EVC2: variants seen among roughly 807,000 people sequenced by gnomAD.
EVC2 encodes limbin.
A neutral mutation model predicts 149.3 loss-of-function variants in EVC2; 148 were observed. That is an observed-to-expected ratio of 0.99 (90% CI 0.87 to 1.14). EVC2 has a LOEUF of 1.14. Ranked by LOEUF, EVC2 falls within the 50% of genes most tolerant of loss-of-function variation. The pLI is 0.00. For synonymous variants in EVC2, 776 were observed against 649.9 expected (o/e 1.19, Z -2.95); for missense variants, 1,854 against 1,627.3 (o/e 1.14, Z -2.40).
rs73198116 is a variant in EVC2, at chr4:5,611,450, A to C, written c.2829+3972T>G. 3.8e-3 allele frequency among the ~76,000 whole-genome samples: 578 copies of C among 152,302 alleles called. 3 individuals carry two copies. Among genetic ancestry groups the C allele is most frequent in the Middle Eastern group, 6.8e-3 (2 of 294 alleles). On this transcript the variant is annotated intron_variant, in intron 16 of 21. Transcript: ENST00000344408. The stretch of plus-strand genomic sequence containing the variant: ...TGTACTAAGCCTATTTAATTATACA[A>C]AGAGCCCTCTTTTATACACTATGAT...
Position 5,584,763 on chromosome 4 carries a change from G to A in EVC2, c.2917C>T (p.Gln973Ter). The change falls in exon 17 of 22, where the codon CAG becomes TAG. Residue 973 changes from glutamine to a stop codon, truncating the protein, a stop_gained. Transcript: ENST00000344408. LOFTEE classifies it high-confidence loss of function. Reference protein sequence around the residue: ...FAQSLVALQFQKASRVTETLS... With the variant: ...FAQSLVALQF ...GTCTCGGTCACCCGGGACGCCTTCT[G>A]GAACTGCAGAGCAACAAGCGACTGT... is the stretch of plus-strand genomic sequence containing the variant. 1 of 1,614,164 alleles carries A rather than the reference G, an allele frequency of 6.2e-7. No homozygotes were observed. Among genetic ancestry groups the A allele is most frequent in the East Asian group, 2.2e-5 (1 of 44,862 alleles).
Position 5,576,597 on chromosome 4 carries a change from G to A in EVC2, c.3058-143C>T, listed in dbSNP as rs1227044704. On this transcript the variant is annotated intron_variant, in intron 17 of 21. Coordinates refer to ENST00000344408, the MANE Select transcript of EVC2 (RefSeq NM_147127.5). The surrounding 1 kb of genome is among the most constrained non-coding windows in gnomAD (Gnocchi z 4.5). ...TCCCCATCCAGCTGTGCCACATGGT[G>A]CAATGTGAGTGCACCACGATCTCTC... is the stretch of plus-strand genomic sequence containing the variant. 1.4e-6 allele frequency: 2 copies of A among 1,449,406 alleles called. No individual in the cohort carries two copies. Among genetic ancestry groups the A allele is most frequent in the Admixed American group, 2.0e-5 (1 of 50,636 alleles). The allele number at this position is 1,449,406 out of a possible 1,614,324, so 89.8% of individuals were successfully genotyped here.
rs1227562994 is a variant in EVC2, at chr4:5,640,782, T to G, written c.1202A>C (p.Gln401Pro). The change falls in exon 10 of 22, where the codon CAA becomes CCA. Residue 401 changes from glutamine (Q) to proline (P), a missense_variant. By Grantham distance (76) the Gln-to-Pro change is moderately conservative. Transcript: ENST00000344408. This position sits in a 1 kb window ranked among gnomAD's most constrained non-coding sequence, Gnocchi z 4.6. ...ADADLEACRT[Q>P]ISKDIIALLL... Reference sequence around the variant, plus strand: ...AAGGGCAATGATATCCTTGCTGATTTGTGTTCGACAAGCCTCCAGATCTGC... The same window carrying G: ...AAGGGCAATGATATCCTTGCTGATTGGTGTTCGACAAGCCTCCAGATCTGC... The G allele has an allele frequency of 6.2e-7, 1 of 1,614,088 alleles. No homozygotes were observed. The highest frequency in any genetic ancestry group is 8.5e-7 in the Non-Finnish European group (1 of 1,180,046).
At chr4:5,693,331 T>C (rs752882341) in intron 3 of EVC2, among the ~76,000 whole-genome samples, 1 of 152,184 alleles carries the variant, frequency 6.6e-6, no homozygotes, top group Non-Finnish European at 1.5e-5. Context: ...TCTGAAGATG[T>C]AATTAAACTA....
In EVC2 at chr4:5,622,537, A is replaced by G. The variant is rs1335166223; in HGVS notation, c.2501T>C (p.Met834Thr). 6 of 1,613,478 alleles carry G rather than the reference A, an allele frequency of 3.7e-6. No individual in the cohort carries two copies. The highest frequency in any genetic ancestry group is 2.2e-5 in the East Asian group (1 of 44,836). ...GATTACGACCCGCAAAGGCACTCAC[A>G]TGAAGATCAGGTGCTCCCAGCGTCG... is the stretch of plus-strand genomic sequence containing the variant. ...ELRRWEHLIF[M>T]KLCSSVFSLS... The change falls in exon 14 of 22, where the codon ATG (methionine) becomes ACG (threonine). Residue 834 changes from methionine (M) to threonine (T), a missense_variant and splice_region_variant. Coordinates refer to ENST00000344408, the MANE Select transcript of EVC2 (RefSeq NM_147127.5). The surrounding 1 kb of genome is among the most constrained non-coding windows in gnomAD (Gnocchi z 5.8).
chr4:5,609,073 A>G (rs1415856071), intron 16 of EVC2, among the ~76,000 whole-genome samples: 1 of 152,020 alleles, frequency 6.6e-6, no homozygotes, highest in Non-Finnish European at 1.5e-5. Context: ...TGAGGCCTTG[A>G]GACTGAATTA....
chr4:5,582,871 A>C lies in EVC2; in HGVS notation c.3057+1752T>G, dbSNP rs894332543. ...TTAAAAGTGTGTGGCACCTCCCCCT[A>C]CTTCTCTTCCTCCTGCTCTGGCTAT... On this transcript the variant is annotated intron_variant, in intron 17 of 21. Coordinates refer to ENST00000344408, the MANE Select transcript of EVC2 (RefSeq NM_147127.5). Among the ~76,000 whole-genome samples the C allele has an allele frequency of 4.6e-5, 7 of 152,004 alleles. No individual in the cohort carries two copies. The East Asian group carries it at 1.4e-3, about 29-fold the overall frequency.
At chr4:5,530,275 AT>A in the EVC2 span, among the ~76,000 whole-genome samples, 1 of 152,208 alleles carries the variant, frequency 6.6e-6, no homozygotes, top group Non-Finnish European at 1.5e-5. Flanking sequence ...CCATTCTTCA[AT>A]GCTTCCTTTA....
rs528450958 is a variant in EVC2, at chr4:5,689,410, G to T, written c.520-67C>A. On this transcript the variant is annotated intron_variant, in intron 4 of 21. Transcript: ENST00000344408. ...AGTCCAGCTTCCTAAAATGGGGCAT[G>T]AGCCCAGCCTGTGCACATTAGGCAT... 2.6e-6 allele frequency: 4 copies of T among 1,537,400 alleles called. No individual in the cohort carries two copies. In the African/African-American group the frequency reaches 4.1e-5, roughly 16 times the overall value.
rs1715788614 is a variant in EVC2 at position 5,622,689 on chromosome 4, C to G, written c.2349G>C (p.Glu783Asp). ...LQQILEEHGK[E>D]MAARAEQLEG... ...CCAGCTGCTCGGCCCGTGCAGCCAT[C>G]TCCTTGCCGTGCTCCTCCAGGATCT... Residue 783 changes from glutamate (E) to aspartate (D), a missense_variant, in exon 14 of 22, where the codon GAG becomes GAC. Coordinates refer to ENST00000344408, the MANE Select transcript of EVC2 (RefSeq NM_147127.5). This position sits in a 1 kb window ranked among gnomAD's most constrained non-coding sequence, Gnocchi z 5.8. The G allele has an allele frequency of 1.2e-6, 2 of 1,614,044 alleles. No individual in the cohort carries two copies. The highest frequency in any genetic ancestry group is 2.7e-5 in the African/African-American group (2 of 74,922).
At chr4:5,599,819 G>A (rs1052544575) in intron 16 of EVC2, among the ~76,000 whole-genome samples, 6 of 152,196 alleles carry the variant, frequency 3.9e-5, no homozygotes, top group Non-Finnish European at 8.8e-5. Context: ...AAGATACCCA[G>A]AGCAGGTAAA....
At chr4:5,689,074 G>T in intron 5 of EVC2, 83 bp downstream of exon 5, 11 of 1,482,242 alleles carry the variant, frequency 7.4e-6, no homozygotes, top group Non-Finnish European at 1.0e-5. Context: ...TTAAGAACAT[G>T]CCTGACCCAG....
chr4:5,703,820 G>A (rs1721974293), intron 1 of EVC2, among the ~76,000 whole-genome samples: 6 of 152,150 alleles, frequency 3.9e-5, no homozygotes. Flanking sequence ...TAAGAACAGT[G>A]GAGCAAAATA....
At chr4:5,666,635 C>T (rs1696658102) in intron 7 of EVC2, among the ~76,000 whole-genome samples, 1 of 152,174 alleles carries the variant, frequency 6.6e-6, no homozygotes, top group African/African-American at 2.4e-5. Context: ...AGTTCTCTGA[C>T]TTTCTGATTT....
intron 9 of EVC2, among the ~76,000 whole-genome samples, chr4:5,655,205 C>T (rs1318310818): frequency 1.3e-5 from 2 of 152,150 alleles, no homozygotes; most frequent in East Asian, 1.9e-4. Flanking sequence ...TCAGGTGCTG[C>T]GCAGGAACCT....
Position 5,562,562 on chromosome 4 carries a change from A to T in EVC2, c.*286T>A, listed in dbSNP as rs1423763353. 7.6e-7 allele frequency: 1 copy of T among 1,321,190 alleles called. No homozygotes were observed. Among genetic ancestry groups the T allele is most frequent in the Non-Finnish European group, 9.7e-7 (1 of 1,030,840 alleles). 81.8% of individuals were successfully genotyped at this position (1,321,190 alleles called of 1,614,324 possible). A position where few individuals can be genotyped will look rare whatever the true frequency, so the allele number is the denominator to read the frequency against. On this transcript the variant is annotated 3_prime_UTR_variant, in exon 22 of 22. Transcript: ENST00000344408. This position sits in a 1 kb window ranked among gnomAD's most constrained non-coding sequence, Gnocchi z 4.3. ...CAGACCATAGCTTCTGCAGCAGAGG[A>T]TGGGGTGTGGATTGCAGGGTGGGGG...
intron 13 of EVC2, among the ~76,000 whole-genome samples, chr4:5,624,333 T>C (rs545647327): frequency 1.3e-5 from 2 of 152,212 alleles, no homozygotes; most frequent in Non-Finnish European, 2.9e-5. Flanking sequence ...CCATTATCAT[T>C]AGTCACTCAA....
At chr4:5,580,740 G>A (rs1456576552) in intron 17 of EVC2, among the ~76,000 whole-genome samples, 1 of 151,914 alleles carries the variant, frequency 6.6e-6, no homozygotes, top group African/African-American at 2.4e-5. Context: ...GTTTCCTCCT[G>A]TTATTAATTT....
intron 2 of EVC2, among the ~76,000 whole-genome samples, 172 bp from the exon 3 acceptor site, chr4:5,694,673 C>T (rs888867776): frequency 8.5e-5 from 13 of 152,312 alleles, no homozygotes; most frequent in African/African-American, 3.1e-4. Flanking sequence ...GAAAATGAGA[C>T]ATGCTCACTG....
Sources: allele counts gnomAD v4.1 joint callset (sites outside exome capture counted in the v4.1 genomes callset), GRCh38; gene constraint gnomAD v4.1.1; non-coding constraint Gnocchi (gnomAD v3.1); transcripts MANE v1.5; gene names NCBI Gene and HGNC (gene_info 2026-07-23, HGNC 2026-07-21).